The following TECR variants were observed in gnomAD, a reference collection of about 807,000 sequenced individuals.
TECR encodes the protein trans-2,3-enoyl-CoA reductase.
Under a neutral mutation model 50.6 loss-of-function variants are expected in TECR, and 19 were observed. That is an observed-to-expected ratio of 0.38 (90% confidence interval 0.26 to 0.55). The LOEUF (loss-of-function observed/expected upper bound fraction) is 0.55, where lower values mean the gene tolerates loss of function less well. Ranked by LOEUF, TECR falls within the 20% of genes least tolerant of loss-of-function variation. The pLI is 0.79. For missense variants in TECR, 313 were observed against 408.3 expected (o/e 0.77, Z 2.01); for synonymous variants, 168 against 163.5 (o/e 1.03, Z -0.21).
chr19:14,534,237 G>T (rs1031976854), intron 1 of TECR, among the ~76,000 whole-genome samples: 1 of 151,166 alleles, frequency 6.6e-6, no homozygotes, highest in Non-Finnish European at 1.5e-5. Flanking sequence ...CCATTCTCCT[G>T]CCTCAGCCTC....
chr19:14,529,908 T>G, intron 1 of TECR, 197 bp downstream of exon 1: 1 of 759,020 alleles, frequency 1.3e-6, no homozygotes, highest in East Asian at 2.7e-5. Flanking sequence ...TTTATAAATC[T>G]GCAACCCAGG....
At chr19:14,562,670 C>T (rs1019562356) in intron 2 of TECR, 95 bp downstream of exon 2, 7 of 1,400,808 alleles carry the variant, frequency 5.0e-6, no homozygotes, top group Non-Finnish European at 5.1e-6. Flanking sequence ...GCCCTTTGTG[C>T]CCCACCCCCT....
At chr19:14,559,802 T>G (rs1218372825) in intron 1 of TECR, among the ~76,000 whole-genome samples, 2 of 150,056 alleles carry the variant, frequency 1.3e-5, no homozygotes, top group African/African-American at 2.5e-5. Context: ...AAAAAAAAAA[T>G]TATAGAGACA....
intron 1 of TECR, chr19:14,534,174 G>C (rs940060173): frequency 6.6e-6 from 1 of 151,774 alleles, no homozygotes. Flanking sequence ...GCCCAGGCTG[G>C]AGTGCAGTGG....
At chr19:14,535,355 A>C (rs1390218306) in intron 1 of TECR, among the ~76,000 whole-genome samples, 1 of 150,192 alleles carries the variant, frequency 6.7e-6, no homozygotes, top group Non-Finnish European at 1.5e-5. Flanking sequence ...AAAAATAGAA[A>C]AAGTTAGCTG....
Position 14,564,224 on chromosome 19 carries a change from G to A in TECR, c.426G>A (p.Leu142=), listed in dbSNP as rs374705715. Reference sequence around the variant, plus strand: ...ACTCATTCCACTACATCAAGCGCCTGCTGGAGACGCTCTTCGTGCACCGCT... The same window carrying A: ...ACTCATTCCACTACATCAAGCGCCTACTGGAGACGCTCTTCGTGCACCGCT... ...ICHSFHYIKR[L]LETLFVHRFS... The change falls in exon 7 of 13, where the codon CTG becomes CTA. Residue 142 remains leucine (L), a synonymous_variant. Coordinates refer to ENST00000215567, the MANE Select transcript of TECR (RefSeq NM_138501.6). The A allele has an allele frequency of 2.2e-5, 36 of 1,607,848 alleles. No homozygotes were observed. The highest frequency in any genetic ancestry group is 4.0e-5 in the African/African-American group (3 of 74,754).
chr19:14,539,912 C>T (rs1307989052), intron 1 of TECR, among the ~76,000 whole-genome samples: 1 of 151,314 alleles, frequency 6.6e-6, no homozygotes, highest in Non-Finnish European at 1.5e-5. Flanking sequence ...CGGAGTCCTG[C>T]CCTGTTGCCC....
At chr19:14,534,529 CG>C (rs1568395245) in intron 1 of TECR, among the ~76,000 whole-genome samples, 1 of 138,604 alleles carries the variant, frequency 7.2e-6, no homozygotes, top group African/African-American at 2.7e-5. Flanking sequence ...TCCACCTCCC[CG>C]GTTCAAGCGA....
intron 1 of TECR, among the ~76,000 whole-genome samples, chr19:14,541,458 C>CCCGT (rs1378281351): frequency 1.3e-5 from 2 of 152,240 alleles, no homozygotes; most frequent in African/African-American, 4.8e-5. Context: ...CAGGCCTTTT[C>CCCGT]CCGTCATAGG....
chr19:14,556,518 C>T (rs1030417216), intron 1 of TECR, among the ~76,000 whole-genome samples: 3 of 152,282 alleles, frequency 2.0e-5, no homozygotes, highest in African/African-American at 7.2e-5. Flanking sequence ...GCCCCCACCC[C>T]CTGCTTGCCC....
At chr19:14,530,567 T>C (rs1051166426) in intron 1 of TECR, 2 of 152,176 alleles carry the variant, frequency 1.3e-5, no homozygotes, top group Admixed American at 6.6e-5. Context: ...TAAGAACTAT[T>C]ATTATTCCTG....
intron 1 of TECR, among the ~76,000 whole-genome samples, chr19:14,536,970 A>G (rs1193041920): frequency 1.5e-3 from 35 of 23,376 alleles, no homozygotes; most frequent in Non-Finnish European, 2.4e-3. Context: ...GGAGGGGCCG[A>G]GGAGGGGGCG....
At position 14,563,201 on chromosome 19, in the gene TECR, C is replaced by T. The variant is rs776703090; in HGVS notation, c.67-5C>T. The T allele has an allele frequency of 6.4e-5, 103 of 1,613,888 alleles. 1 individual carries two copies. In the Middle Eastern group the frequency reaches 1.3e-3, roughly 21 times the overall value. ...CTGACGTCCCTGCGCCTGTGCTTCC[C>T]CCAGGTGGAGCCCCACGCCACCATT... On this transcript the variant is annotated splice_polypyrimidine_tract_variant and splice_region_variant and intron_variant, in intron 2 of 12. Transcript: ENST00000215567. The surrounding 1 kb of genome is among the most constrained non-coding windows in gnomAD (Gnocchi z 5.3).
chr19:14,529,601 C>G lies in TECR; in HGVS notation c.-96C>G, dbSNP rs530079728. On this transcript the variant is annotated 5_prime_UTR_variant, in exon 1 of 13. Coordinates refer to ENST00000215567, the MANE Select transcript of TECR (RefSeq NM_138501.6). ...GGGCGGACGCAGAGCCGCGTTTAGT[C>G]TATCGCTGCGGTTGCGAGCGCTGTA... The G allele has an allele frequency of 1.3e-6, 2 of 1,588,356 alleles. No homozygotes were observed. Among genetic ancestry groups the G allele is most frequent in the Admixed American group, 1.7e-5 (1 of 59,910 alleles).
At chr19:14,549,058 A>AT (rs771786865) in intron 1 of TECR, among the ~76,000 whole-genome samples, 2 of 151,924 alleles carry the variant, frequency 1.3e-5, no homozygotes, top group Non-Finnish European at 2.9e-5. Context: ...AACGTCATGT[A>AT]TTTTTTAAAA....
intron 1 of TECR, among the ~76,000 whole-genome samples, chr19:14,550,440 C>T (rs529731874): frequency 6.6e-6 from 1 of 152,228 alleles, no homozygotes; most frequent in Admixed American, 6.5e-5. Flanking sequence ...CCTGCTCCTC[C>T]AGTCAGTTTG....
intron 12 of TECR, 31 bp downstream of exon 12, chr19:14,565,694 C>T (rs1355875484): frequency 1.2e-6 from 2 of 1,611,802 alleles, no homozygotes; most frequent in African/African-American, 1.3e-5. Flanking sequence ...CGGCGGGGCC[C>T]TGCCCCTCCG....
chr19:14,545,646 A>C (rs2073281895), intron 1 of TECR: 1 of 194,554 alleles, frequency 5.1e-6, no homozygotes. Flanking sequence ...GGCCCGACGC[A>C]GCAAGGGGCA....
intron 1 of TECR, among the ~76,000 whole-genome samples, chr19:14,549,369 T>C (rs763324795): frequency 2.0e-4 from 30 of 152,106 alleles, no homozygotes; most frequent in South Asian, 8.4e-4. Flanking sequence ...TGCGCCACCA[T>C]GCCCAGCTAA....
Sources: allele counts gnomAD v4.1 joint callset (sites outside exome capture counted in the v4.1 genomes callset), GRCh38; gene constraint gnomAD v4.1.1; non-coding constraint Gnocchi (gnomAD v3.1); transcripts MANE v1.5; gene names NCBI Gene and HGNC (gene_info 2026-07-23, HGNC 2026-07-21).